The following KRT81 variants were observed in gnomAD, a reference collection of about 807,000 sequenced individuals.
KRT81 encodes the protein keratin 81.
In KRT81, 35 loss-of-function variants were observed where a neutral mutation model predicts 35.8. That is an observed-to-expected ratio of 0.98 (90% CI 0.75 to 1.30). The LOEUF is 1.30. Among genes scored for constraint, KRT81 ranks in the 50% most tolerant of loss-of-function variants. The pLI is 0.00. For missense variants in KRT81, 531 were observed against 577.4 expected, an observed-to-expected ratio of 0.92 and a Z score of 0.82; for synonymous variants, 249 against 251.2, an observed-to-expected ratio of 0.99 and a Z score of 0.08.
chr12:52,287,979 C>A lies in KRT81; in HGVS notation c.900+5G>T. On this transcript the variant is annotated splice_donor_5th_base_variant and intron_variant, in intron 5 of 8. Coordinates refer to ENST00000327741, the MANE Select transcript of KRT81 (RefSeq NM_002281.4). ...TCTAGCAGGCAGGTGTCCTGTGCCACTCACCTTGCTGCGGTACCAGGACTC... is the reference window on the plus strand; with the variant it reads ...TCTAGCAGGCAGGTGTCCTGTGCCAATCACCTTGCTGCGGTACCAGGACTC... 2 of 1,614,210 alleles carry A rather than the reference C, an allele frequency of 1.2e-6. No homozygotes were observed. Among genetic ancestry groups the A allele is most frequent in the South Asian group, 2.2e-5 (2 of 91,076 alleles).
At position 52,291,319 on chromosome 12, in the gene KRT81, G is replaced by T; in HGVS notation, c.147C>A (p.Ser49Arg). Reference sequence around the variant, plus strand: ...AGCCGGCCCGAAAGCCTCCGCACACGCTGTGGCTGCCGAAGCCCCCGGTGA... The same window carrying T: ...AGCCGGCCCGAAAGCCTCCGCACACTCTGTGGCTGCCGAAGCCCCCGGTGA... ...RGLTGGFGSH[S>R]VCGGFRAGSC... The change falls in exon 1 of 9, where the codon AGC becomes AGA. Residue 49 changes from serine to arginine, a missense_variant. Coordinates refer to ENST00000327741, the MANE Select transcript of KRT81 (RefSeq NM_002281.4). The T allele has an allele frequency of 6.4e-7, 1 of 1,551,510 alleles. No individual in the cohort carries two copies. The highest frequency in any genetic ancestry group is 1.2e-5 in the South Asian group (1 of 84,352).
rs4761784 is a variant in KRT81, at chr12:52,287,296, G to A, written c.1053C>T (p.Ala351=). The change falls in exon 7 of 9, where the codon GCC becomes GCT. Residue 351 remains alanine, a synonymous_variant. Coordinates refer to ENST00000327741, the MANE Select transcript of KRT81 (RefSeq NM_002281.4). ...CQNSKLEAAV[A]QSEQQGEAAL... ...CCGCCTCACCCTGCTGCTCAGACTG[G>A]GCCACCGCGGCCTCCAGCTTGGAGT... The A allele has an allele frequency of 0.3, 483,431 of 1,613,132 alleles. 74,411 individuals are homozygous for A. The highest frequency in any genetic ancestry group is 0.39 in the East Asian group (17,366 of 44,852).
At position 52,288,465 on chromosome 12, in the gene KRT81, G is replaced by A. The variant is rs1333211396; in HGVS notation, c.640-9C>T. On this transcript the variant is annotated splice_polypyrimidine_tract_variant and intron_variant, in intron 3 of 8. Coordinates refer to ENST00000327741, the MANE Select transcript of KRT81 (RefSeq NM_002281.4). ...TAGGCGCAGTCCACATCCTGGAAAG[G>A]TGGGGAGTGTTGGAGCTCAAGGACC... The A allele has an allele frequency of 8.1e-6, 13 of 1,613,894 alleles. No individual in the cohort carries two copies. Among genetic ancestry groups the A allele is most frequent in the Middle Eastern group, 1.6e-4 (1 of 6,084 alleles).
At chr12:52,286,899 G>T (rs1937960841) in intron 7 of KRT81, 77 bp from the exon 8 acceptor site, 1 of 1,570,860 alleles carries the variant, frequency 6.4e-7, no homozygotes. Context: ...TCATAGGGTA[G>T]GGTCCACAAC....
Position 52,286,404 on chromosome 12 carries a change from A to G in KRT81, c.1369T>C (p.Cys457Arg), listed in dbSNP as rs1333242368. Residue 457 changes from cysteine to arginine, a missense_variant, in exon 9 of 9, where the codon TGC becomes CGC. Transcript: ENST00000327741. ...GTGCTCACCGCCACGTTCCCGTTGC[A>G]CGGAGCGCTGCAGACACTGCCAGTC... ...PVTGSVCSAP[C>R]NGNVAVSTGL... The G allele has an allele frequency of 2.6e-6, 4 of 1,554,720 alleles. No homozygotes were observed. In the South Asian group the frequency reaches 4.7e-5, roughly 18 times the overall value.
rs998261626 is a variant in KRT81 at position 52,286,508 on chromosome 12, G to A, written c.1280-15C>T. The A allele has an allele frequency of 8.4e-6, 13 of 1,551,108 alleles. No individual in the cohort carries two copies. In the African/African-American group the frequency reaches 1.4e-4, roughly 16 times the overall value. ...GCTGCTGACACCTGTGAACCCCGAAGGCTGAGTCAAAATTCTGAAGGGCAA... is the reference window on the plus strand; with the variant it reads ...GCTGCTGACACCTGTGAACCCCGAAAGCTGAGTCAAAATTCTGAAGGGCAA... On this transcript the variant is annotated splice_polypyrimidine_tract_variant and intron_variant, in intron 8 of 8. Coordinates refer to ENST00000327741, the MANE Select transcript of KRT81 (RefSeq NM_002281.4).
intron 4 of KRT81, 100 bp from the exon 5 acceptor site, chr12:52,288,248 C>A: frequency 3.1e-6 from 5 of 1,597,984 alleles, no homozygotes; most frequent in Non-Finnish European, 1.7e-6. Context: ...CAACCCTGCC[C>A]CCTCACACAG....
At chr12:52,288,594 C>A (rs1938043543) in intron 3 of KRT81, 138 bp from the exon 4 acceptor site, 14 of 1,083,756 alleles carry the variant, frequency 1.3e-5, no homozygotes, top group Non-Finnish European at 2.0e-5. Context: ...TCCCCTTCTG[C>A]CCTTCCTGGG....
At position 52,288,111 on chromosome 12, in the gene KRT81, G is replaced by T. The variant is rs373083957; in HGVS notation, c.773C>A (p.Ser258Tyr). ...LILQSHISDT[S>Y]VVVKLDNSRD... ...GCTGTTGTCCAGCTTGACAACCACGGAGGTGTCTGAGATGTGCGACTGGAG... is the reference window on the plus strand; with the variant it reads ...GCTGTTGTCCAGCTTGACAACCACGTAGGTGTCTGAGATGTGCGACTGGAG... Residue 258 changes from serine (S) to tyrosine (Y), a missense_variant, in exon 5 of 9, where the codon TCC becomes TAC. Coordinates refer to ENST00000327741, the MANE Select transcript of KRT81 (RefSeq NM_002281.4). 1.9e-6 allele frequency: 3 copies of T among 1,614,034 alleles called. No individual in the cohort carries two copies. The African/African-American group carries it at 4.0e-5, about 22-fold the overall frequency.
rs1243751870 is a variant in KRT81 at position 52,286,115 on chromosome 12, A to T, written c.*140T>A. On this transcript the variant is annotated 3_prime_UTR_variant, in exon 9 of 9. Transcript: ENST00000327741. ...CCCAGAAGTGGGGGATCACACAGAG[A>T]AATGTGAGGCCAGGAGTGGGAGGGG... 1.3e-6 allele frequency: 1 copy of T among 758,324 alleles called. No homozygotes were observed. The highest frequency in any genetic ancestry group is 1.7e-5 in the African/African-American group (1 of 57,666). 47.0% of individuals were successfully genotyped at this position (758,324 alleles called of 1,614,324 possible). A position where few individuals can be genotyped will look rare whatever the true frequency, so the allele number is the denominator to read the frequency against.
At position 52,287,168 on chromosome 12, in the gene KRT81, T is replaced by G. The variant is rs767515484; in HGVS notation, c.1181A>C (p.Asn394Thr). ...CTCGATGTCCAGGCCCAGCTTGGAG[T>G]TCATCACCTCCTGGTACTCCCTGAT... ...CLIREYQEVM[N>T]SKLGLDIEIA... The change falls in exon 7 of 9, where the codon AAC becomes ACC. Residue 394 changes from asparagine (N) to threonine (T), a missense_variant. By Grantham distance (65) the Asn-to-Thr change is moderately conservative. Coordinates refer to ENST00000327741, the MANE Select transcript of KRT81 (RefSeq NM_002281.4). 1 of 1,613,356 alleles carries G rather than the reference T, an allele frequency of 6.2e-7. No homozygotes were observed. Among genetic ancestry groups the G allele is most frequent in the African/African-American group, 1.3e-5 (1 of 74,878 alleles).
chr12:52,291,352 G>T lies in KRT81; in HGVS notation c.114C>A (p.Tyr38Ter), dbSNP rs780675114. 1 of 1,589,268 alleles carries T rather than the reference G, an allele frequency of 6.3e-7. No homozygotes were observed. Among genetic ancestry groups the T allele is most frequent in the Non-Finnish European group, 8.6e-7 (1 of 1,169,152 alleles). Reference sequence around the variant, plus strand: ...TGCCGAAGCCCCCGGTGAGGCCGCGGTAGCAGGAGATGCCACGGTAGGGGG... The same window carrying T: ...TGCCGAAGCCCCCGGTGAGGCCGCGTTAGCAGGAGATGCCACGGTAGGGGG... Reference protein sequence around the residue: ...TAAPYRGISCYRGLTGGFGSH... With the variant: ...TAAPYRGISC The change falls in exon 1 of 9, where the codon TAC becomes TAA. Residue 38 changes from tyrosine to a stop codon, truncating the protein, a stop_gained. Transcript: ENST00000327741. LOFTEE classifies it high-confidence loss of function.
At position 52,287,654 on chromosome 12, in the gene KRT81, T is replaced by C. The variant is rs753834625; in HGVS notation, c.968A>G (p.Asn323Ser). The C allele has an allele frequency of 1.3e-4, 213 of 1,613,798 alleles. No individual in the cohort carries two copies. The highest frequency in any genetic ancestry group is 1.7e-4 in the Non-Finnish European group (206 of 1,179,854). The change falls in exon 6 of 9, where the codon AAT (asparagine) becomes AGT (serine). Residue 323 changes from asparagine to serine, a missense_variant. By Grantham distance (46) the Asn-to-Ser change is conservative. Coordinates refer to ENST00000327741, the MANE Select transcript of KRT81 (RefSeq NM_002281.4). The part of the protein sequence containing the change: ...ETLRRTKEEI[N>S]ELNRMIQRLT... The stretch of plus-strand genomic sequence containing the variant: ...CCTTTGGATCATGCGGTTCAGCTCA[T>C]TGATCTCCTCCTTGGTGCGGCGCAG...
Position 52,287,683 on chromosome 12 carries a change from C to A in KRT81, c.939G>T (p.Glu313Asp), listed in dbSNP as rs1365274265. The A allele has an allele frequency of 6.2e-7, 1 of 1,613,926 alleles. No homozygotes were observed. The highest frequency in any genetic ancestry group is 1.1e-5 in the South Asian group (1 of 91,066). Reference protein sequence around the residue: ...EMKATVIRHGETLRRTKEEIN... With the variant: ...EMKATVIRHGDTLRRTKEEIN... ...TCTCCTCCTTGGTGCGGCGCAGGGT[C>A]TCCCCGTGCCTGATCACCGTGGCCT... The change falls in exon 6 of 9, where the codon GAG becomes GAT. Residue 313 changes from glutamate (E) to aspartate (D), a missense_variant. By Grantham distance (45) the Glu-to-Asp change is conservative. Coordinates refer to ENST00000327741, the MANE Select transcript of KRT81 (RefSeq NM_002281.4).
Position 52,286,294 on chromosome 12 carries a change from C to G in KRT81, c.1479G>C (p.Leu493=), listed in dbSNP as rs377741143. ...AGCTGCTGCCGCAAGACCCCACACC[C>G]AGGGAGCTGATACCACAGGAGCCCA... The part of the protein sequence containing the change: ...CGVGSCGISS[L]GVGSCGSSCR... Residue 493 remains leucine (L), a synonymous_variant, in exon 9 of 9, where the codon CTG becomes CTC. Coordinates refer to ENST00000327741, the MANE Select transcript of KRT81 (RefSeq NM_002281.4). 1 of 1,554,502 alleles carries G rather than the reference C, an allele frequency of 6.4e-7. No individual in the cohort carries two copies. Among genetic ancestry groups the G allele is most frequent in the Non-Finnish European group, 8.7e-7 (1 of 1,148,570 alleles).
In KRT81 at chr12:52,291,264, C is replaced by T. The variant is rs777332682; in HGVS notation, c.202G>A (p.Gly68Arg). Residue 68 changes from glycine to arginine, a missense_variant, in exon 1 of 9, where the codon GGG (glycine) becomes AGG (arginine). Gly to Arg is a moderately radical substitution (Grantham distance 125). Transcript: ENST00000327741. ...GGGGGACTGGGCCCGCACACGCCCC[C>T]GGAGCGGTAGCCGAAGCTGCGTCCG... ...SCGRSFGYRS[G>R]GVCGPSPPCI... The T allele has an allele frequency of 1.9e-5, 29 of 1,528,782 alleles. No individual in the cohort carries two copies. The African/African-American group carries it at 2.5e-4, about 13-fold the overall frequency. The allele number at this position is 1,528,782 out of a possible 1,614,324, so 94.7% of individuals were successfully genotyped here.
chr12:52,288,016 G>A lies in KRT81; in HGVS notation c.868C>T (p.Arg290Trp), dbSNP rs374156610. The A allele has an allele frequency of 5.7e-5, 92 of 1,614,100 alleles. No individual in the cohort carries two copies. The highest frequency in any genetic ancestry group is 2.1e-4 in the African/African-American group (16 of 74,930). Residue 290 changes from arginine (R) to tryptophan (W), a missense_variant, in exon 5 of 9, where the codon CGG (arginine) becomes TGG (tryptophan). Physicochemically the swap from Arg to Trp is moderately radical, Grantham distance 101. This residue lies in a region of KRT81 where 194 missense variants were observed against 198.2 expected (regional missense o/e 0.98). Transcript: ENST00000327741. ...CGGTACCAGGACTCGGCCTCGGCCC[G>A]GCTGCGGGTGACAATGTCGTCATAC... The part of the protein sequence containing the change: ...AQYDDIVTRS[R>W]AEAESWYRSK...
At position 52,286,008 on chromosome 12, in the gene KRT81, C is replaced by G; in HGVS notation, c.*247G>C. ...CCGTGGGCAAGGTTCTGGTCCTGGC[C>G]CTTCCTGCTCCTGAGGCCCCTTCCT... is the stretch of plus-strand genomic sequence containing the variant. On this transcript the variant is annotated 3_prime_UTR_variant, in exon 9 of 9. Transcript: ENST00000327741. The G allele has an allele frequency of 1.8e-6, 1 of 557,634 alleles. No homozygotes were observed. 34.5% of individuals were successfully genotyped at this position (557,634 alleles called of 1,614,324 possible).
chr12:52,286,378 G>A lies in KRT81; in HGVS notation c.1395C>T (p.Thr465=), dbSNP rs138017582. 220 of 1,555,340 alleles carry A rather than the reference G, an allele frequency of 1.4e-4. No individual in the cohort carries two copies. In the African/African-American group the frequency reaches 2.7e-3, roughly 19 times the overall value. The part of the protein sequence containing the change: ...APCNGNVAVS[T]GLCAPCGQLN... ...ATTGGCCGCAGGGCGCACACAGGCC[G>A]GTGCTCACCGCCACGTTCCCGTTGC... The change falls in exon 9 of 9, where the codon ACC becomes ACT. Residue 465 remains threonine (T), a synonymous_variant. Coordinates refer to ENST00000327741, the MANE Select transcript of KRT81 (RefSeq NM_002281.4).
Sources: allele counts gnomAD v4.1 joint callset, GRCh38; gene constraint gnomAD v4.1.1; regional missense constraint gnomAD v4.1.1; transcripts MANE v1.5; gene names NCBI Gene and HGNC (gene_info 2026-07-23, HGNC 2026-07-21).